The following TAFA1 variants were observed in gnomAD, a reference collection of about 807,000 sequenced individuals.
TAFA1 encodes TAFA chemokine like family member 1.
TAFA1 carries 4 observed loss-of-function variants against 18.5 expected under a neutral mutation model. That is an observed-to-expected ratio of 0.22 (90% CI 0.11 to 0.49). The LOEUF is 0.49. Ranked by LOEUF, TAFA1 falls within the 20% of genes least tolerant of loss-of-function variation. The pLI, the probability that TAFA1 is intolerant of heterozygous loss-of-function variation, is 0.98. For missense variants in TAFA1, 147 were observed against 169.0 expected (o/e 0.87, Z 0.72); for synonymous variants, 56 against 55.2 (o/e 1.01, Z -0.06).
chr3:68,350,672 G>T (rs2069251038), intron 2 of TAFA1, among the ~76,000 whole-genome samples: 1 of 152,108 alleles, frequency 6.6e-6, no homozygotes, highest in African/African-American at 2.4e-5. Flanking sequence ...AAAAACAGCA[G>T]GATACATCTT....
chr3:67,996,446 T>A, the TAFA1 span, among the ~76,000 whole-genome samples: 3 of 152,174 alleles, frequency 2.0e-5, no homozygotes, highest in South Asian at 6.2e-4. Context: ...GGGAAAATAG[T>A]AAAATGGAAA....
At chr3:68,080,624 G>C (rs888822180) in intron 2 of TAFA1, among the ~76,000 whole-genome samples, 2 of 152,130 alleles carry the variant, frequency 1.3e-5, no homozygotes, top group African/African-American at 2.4e-5. Flanking sequence ...TTTTCTTTAA[G>C]AATGTTGAAT....
chr3:68,166,583 T>A (rs2065984100), intron 2 of TAFA1, among the ~76,000 whole-genome samples: 2 of 152,092 alleles, frequency 1.3e-5, no homozygotes, highest in Non-Finnish European at 2.9e-5. Flanking sequence ...ATTCGTACCA[T>A]AAAGGAAGCC....
intron 2 of TAFA1, among the ~76,000 whole-genome samples, chr3:68,358,277 T>C (rs367763138): frequency 3.9e-5 from 6 of 152,120 alleles, no homozygotes; most frequent in East Asian, 1.9e-4. Context: ...TTTTATATCC[T>C]GGAGATCTTC....
chr3:68,274,734 G>C (rs1391730835), intron 2 of TAFA1, among the ~76,000 whole-genome samples: 1 of 152,156 alleles, frequency 6.6e-6, no homozygotes, highest in Non-Finnish European at 1.5e-5. Context: ...TAACTGTGTG[G>C]TGGGGGCTGC....
chr3:68,246,857 G>C (rs954228636), intron 2 of TAFA1: 2 of 152,034 alleles, frequency 1.3e-5, no homozygotes, highest in Non-Finnish European at 2.9e-5. Context: ...ATTTTTCCTA[G>C]GTCAAAAGGA....
At chr3:68,035,442 AT>A (rs1705025859) in intron 2 of TAFA1, among the ~76,000 whole-genome samples, 3 of 152,200 alleles carry the variant, frequency 2.0e-5, no homozygotes, top group Non-Finnish European at 2.9e-5. Flanking sequence ...AACTTATTTT[AT>A]AACATTATAC....
In TAFA1 at chr3:68,348,803, T is replaced by C. The variant is rs147196234; in HGVS notation, c.119-68477T>C. 6.8e-3 allele frequency among the ~76,000 whole-genome samples: 1,030 copies of C among 152,196 alleles called. 11 individuals are homozygous for C. The highest frequency in any genetic ancestry group is 0.024 in the African/African-American group (991 of 41,552). ...CTCAACATGCAATGTAAGAATGAATTACTGCAATCAGTCAAAGAGATCACA... is the reference window on the plus strand; with the variant it reads ...CTCAACATGCAATGTAAGAATGAATCACTGCAATCAGTCAAAGAGATCACA... On this transcript the variant is annotated intron_variant, in intron 2 of 4. Transcript: ENST00000478136.
chr3:68,239,853 G>A (rs1334408296), intron 2 of TAFA1, among the ~76,000 whole-genome samples: 1 of 152,138 alleles, frequency 6.6e-6, no homozygotes, highest in African/African-American at 2.4e-5. Context: ...ATTTATAGAT[G>A]AGAAGACAGA....
At chr3:68,145,177 A>G (rs2065723155) in intron 2 of TAFA1, 1 of 826,706 alleles carries the variant, frequency 1.2e-6, no homozygotes, top group Non-Finnish European at 2.2e-6. Context: ...ATCTTTGGAA[A>G]AGAATACCAC....
chr3:68,234,126 C>T (rs1430137890), intron 2 of TAFA1, among the ~76,000 whole-genome samples: 2 of 152,186 alleles, frequency 1.3e-5, no homozygotes, highest in African/African-American at 4.8e-5. Context: ...GCTGATATTT[C>T]TGTGGGTTAT....
chr3:68,100,216 G>A (rs1267442961), intron 2 of TAFA1, among the ~76,000 whole-genome samples: 1 of 152,190 alleles, frequency 6.6e-6, no homozygotes, highest in African/African-American at 2.4e-5. Context: ...CAGGCACAGT[G>A]GTTCATGCCT....
intron 2 of TAFA1, among the ~76,000 whole-genome samples, chr3:68,248,772 G>A (rs1297158259): frequency 6.6e-6 from 1 of 150,878 alleles, no homozygotes; most frequent in Non-Finnish European, 1.5e-5. Flanking sequence ...AGGGAGGGTA[G>A]ATGAAGTTTG....
At chr3:68,228,099 T>C (rs2066826397) in intron 2 of TAFA1, among the ~76,000 whole-genome samples, 1 of 152,214 alleles carries the variant, frequency 6.6e-6, no homozygotes, top group Non-Finnish European at 1.5e-5. Flanking sequence ...TTTGCTCATC[T>C]GTGAAAACTG....
At chr3:68,317,622 C>T (rs933516530) in intron 2 of TAFA1, among the ~76,000 whole-genome samples, 3 of 152,170 alleles carry the variant, frequency 2.0e-5, no homozygotes, top group African/African-American at 7.2e-5. Flanking sequence ...CTGTACCTAT[C>T]ATGGTCCCTG....
At chr3:68,026,040 A>G (rs1704807315) in intron 2 of TAFA1, among the ~76,000 whole-genome samples, 1 of 152,186 alleles carries the variant, frequency 6.6e-6, no homozygotes, top group Non-Finnish European at 1.5e-5. Context: ...TAAATGAATG[A>G]ATAAATAAAA....
chr3:68,000,472 G>C (rs2106759370), upstream of TAFA1, among the ~76,000 whole-genome samples: 2 of 152,322 alleles, frequency 1.3e-5, no homozygotes, highest in East Asian at 3.9e-4. Flanking sequence ...AAGGATCCAA[G>C]ATAAGAGCCT....
chr3:68,145,272 A>G (rs746625000), intron 2 of TAFA1: 1 of 788,936 alleles, frequency 1.3e-6, no homozygotes, highest in Non-Finnish European at 2.3e-6. Context: ...CCTGGGATCT[A>G]TACAACCATC....
chr3:68,421,226 C>A (rs876610), intron 3 of TAFA1, among the ~76,000 whole-genome samples: 64,007 of 151,880 alleles, frequency 0.42, 14,074 homozygotes, highest in Non-Finnish European at 0.46. Context: ...AACTCTGAAC[C>A]CTTTGGTGTG....
Sources: gnomAD v4.1 joint callset for allele counts (sites outside exome capture counted in the v4.1 genomes callset) on GRCh38, gnomAD v4.1.1 for gene constraint, MANE v1.5 for transcripts, NCBI Gene and HGNC (gene_info 2026-07-23, HGNC 2026-07-21) for gene names.